The following CXorf58 variants were observed in gnomAD, a reference collection of about 807,000 sequenced individuals.
CXorf58 encodes the protein chromosome X open reading frame 58.
Under a neutral mutation model 26.0 loss-of-function variants are expected in CXorf58, and 24 were observed. The observed-to-expected ratio is 0.92, with a 90% CI of 0.67 to 1.30. CXorf58 has a LOEUF of 1.30. Among genes scored for constraint, CXorf58 ranks in the 50% most tolerant of loss-of-function variants. CXorf58 has a pLI of 0.00. For missense variants in CXorf58, 236 were observed against 263.9 expected (o/e 0.89, Z 0.73); for synonymous variants, 87 against 86.1 (o/e 1.01, Z -0.06).
At chrX:23,930,196 C>CAAAAAAAAA (rs752970734) in intron 6 of CXorf58, among the ~76,000 whole-genome samples, 236 of 35,632 alleles carry the variant, frequency 6.6e-3, no homozygotes, top group Admixed American at 0.01. Context: ...GACTCTGTCT[C>CAAAAAAAAA]AAAAAAAAAA....
At chrX:23,932,268 A>G (rs1360210399) in intron 6 of CXorf58, among the ~76,000 whole-genome samples, 2 of 112,087 alleles carry the variant, frequency 1.8e-5, no homozygotes, top group Non-Finnish European at 1.9e-5. Flanking sequence ...GGCCAGCATC[A>G]CTTCCACTGG....
chrX:23,915,733 G>A lies in CXorf58; in HGVS notation c.250G>A (p.Val84Met). The change falls in exon 4 of 9, where the codon GTG becomes ATG. Residue 84 changes from valine to methionine, a missense_variant. By Grantham distance (21) the Val-to-Met change is conservative (BLOSUM62 1). Transcript: ENST00000379211. ...FYVTHEILKKVAPLEAKLIKD... is the reference protein window; with the variant it reads ...FYVTHEILKKMAPLEAKLIKD... ...TGTAACACATGAAATACTGAAGAAAGTGGCCCCCTTAGAGGCTAAGCTTAT... is the reference window on the plus strand; with the variant it reads ...TGTAACACATGAAATACTGAAGAAAATGGCCCCCTTAGAGGCTAAGCTTAT... 1 of 1,196,098 alleles carries A rather than the reference G, an allele frequency of 8.4e-7. No individual in the cohort carries two copies. The highest frequency in any genetic ancestry group is 1.7e-5 in the African/African-American group (1 of 57,526).
chrX:23,907,949 A>G (rs1444781085), upstream of CXorf58: 3 of 330,961 alleles, frequency 9.1e-6, no homozygotes, highest in Non-Finnish European at 1.5e-5. Flanking sequence ...CCCGCCCTCC[A>G]GGAGGCTCCG....
At chrX:23,927,441 G>C in intron 6 of CXorf58, 71 bp downstream of exon 6, 1 of 605,704 alleles carries the variant, frequency 1.7e-6, no homozygotes, top group South Asian at 6.4e-5. Flanking sequence ...CAAGAAGATA[G>C]AATCATACTT....
At chrX:23,931,264 T>C (rs113757971) in intron 6 of CXorf58, among the ~76,000 whole-genome samples, 2,460 of 111,980 alleles carry the variant, frequency 0.022, 72 homozygotes, top group African/African-American at 0.075. Flanking sequence ...TACTTTCAGA[T>C]TGTGAACATG....
In CXorf58 at chrX:23,935,395, A is replaced by G; in HGVS notation, c.755A>G (p.Lys252Arg). ...AGACCAGTAACGCAAGAGATCCATA[A>G]GCACCAGCTACGGATTGTTTCTGAA... ...LQRPVTQEIH[K>R]HQLRIVSEIR... The change falls in exon 7 of 9, where the codon AAG (lysine) becomes AGG (arginine). Residue 252 changes from lysine to arginine, a missense_variant. Transcript: ENST00000379211. 1 of 1,203,054 alleles carries G rather than the reference A, an allele frequency of 8.3e-7. No homozygotes were observed. The highest frequency in any genetic ancestry group is 1.1e-6 in the Non-Finnish European group (1 of 887,550).
intron 5 of CXorf58, among the ~76,000 whole-genome samples, chrX:23,925,786 C>CTTTTTT (rs11296283): frequency 1.6e-3 from 117 of 71,732 alleles, no homozygotes; most frequent in African/African-American, 4.3e-3. Flanking sequence ...CTTTTCTTTT[C>CTTTTTT]TTTTTTTTTT....
At chrX:23,917,416 T>A (rs1360374412) in intron 5 of CXorf58, among the ~76,000 whole-genome samples, 1 of 110,807 alleles carries the variant, frequency 9.0e-6, no homozygotes, top group Admixed American at 9.6e-5. Flanking sequence ...TCATACTTAT[T>A]TATTTCTTTA....
intron 7 of CXorf58, among the ~76,000 whole-genome samples, chrX:23,936,195 G>T (rs901700104): frequency 5.9e-4 from 65 of 110,929 alleles, no homozygotes; most frequent in African/African-American, 2.1e-3. Flanking sequence ...GTTGGGGGTG[G>T]GGTGTGCCTC....
intron 7 of CXorf58, among the ~76,000 whole-genome samples, chrX:23,937,077 T>C (rs1328242248): frequency 1.8e-5 from 2 of 112,255 alleles, no homozygotes; most frequent in African/African-American, 6.5e-5. Context: ...TGAATGCAGT[T>C]GTAGTTTAGC....
At chrX:23,917,679 A>C (rs1035904050) in intron 5 of CXorf58, among the ~76,000 whole-genome samples, 11 of 111,057 alleles carry the variant, frequency 9.9e-5, no homozygotes, top group Non-Finnish European at 2.1e-4. Context: ...CGGCATCCCA[A>C]AGTGCTGGGA....
At chrX:23,914,552 T>C (rs1008727973) in intron 3 of CXorf58, among the ~76,000 whole-genome samples, 3 of 111,930 alleles carry the variant, frequency 2.7e-5, no homozygotes, top group Admixed American at 1.9e-4. Context: ...AAAAATTCCC[T>C]GAGCCTCAGC....
At chrX:23,933,018 G>A (rs755099839) in intron 6 of CXorf58, among the ~76,000 whole-genome samples, 31 of 111,057 alleles carry the variant, frequency 2.8e-4, no homozygotes, top group Middle Eastern at 9.3e-3. Context: ...TGAAAAGGCC[G>A]GGTGCAGTGG....
At chrX:23,932,508 T>C (rs972538424) in intron 6 of CXorf58, among the ~76,000 whole-genome samples, 1 of 112,194 alleles carries the variant, frequency 8.9e-6, no homozygotes, top group Non-Finnish European at 1.9e-5. Flanking sequence ...ATTTTCCATT[T>C]TTGTAAAATG....
intron 6 of CXorf58, among the ~76,000 whole-genome samples, chrX:23,928,284 G>A (rs1253833865): frequency 9.1e-6 from 1 of 110,466 alleles, no homozygotes; most frequent in Non-Finnish European, 1.9e-5. Flanking sequence ...GGGTTCAAGC[G>A]ATTCTCCTGC....
chrX:23,931,432 T>C (rs189991975), intron 6 of CXorf58, among the ~76,000 whole-genome samples: 1 of 111,954 alleles, frequency 8.9e-6, no homozygotes, highest in East Asian at 2.8e-4. Flanking sequence ...GTAAATTCTG[T>C]GACCTTTTTT....
chrX:23,938,179 C>T (rs1200292498), intron 7 of CXorf58, among the ~76,000 whole-genome samples: 6 of 111,231 alleles, frequency 5.4e-5, no homozygotes, highest in Admixed American at 9.7e-5. Flanking sequence ...TGAGCCACTG[C>T]GCCTGGACGA....
At chrX:23,938,104 T>C (rs908934796) in intron 7 of CXorf58, among the ~76,000 whole-genome samples, 8 of 109,923 alleles carry the variant, frequency 7.3e-5, no homozygotes, top group African/African-American at 2.6e-4. Context: ...GCCAGGCTGG[T>C]CTGGAACTCC....
At chrX:23,914,120 C>T (rs760817583) in intron 3 of CXorf58, among the ~76,000 whole-genome samples, 2 of 110,849 alleles carry the variant, frequency 1.8e-5, no homozygotes, top group Non-Finnish European at 3.8e-5. Context: ...GAGTCTTGCT[C>T]TGTCACCCAG....
Sources: allele counts gnomAD v4.1 joint callset (sites outside exome capture counted in the v4.1 genomes callset), GRCh38; gene constraint gnomAD v4.1.1; transcripts MANE v1.5; gene names NCBI Gene and HGNC (gene_info 2026-07-23, HGNC 2026-07-21).